KIRREL3: variants seen among roughly 807,000 people sequenced by gnomAD.
KIRREL3 encodes kin of IRRE-like protein 3.
Under a neutral mutation model 89.7 loss-of-function variants are expected in KIRREL3, and 36 were observed. That is an observed-to-expected ratio of 0.40 (90% confidence interval 0.31 to 0.53). KIRREL3 has a LOEUF of 0.53. KIRREL3 is among the 20% of genes least tolerant of loss of function. The pLI, the probability that KIRREL3 is intolerant of heterozygous loss-of-function variation, is 0.49. For missense variants in KIRREL3, 864 were observed against 1,056.6 expected (o/e 0.82, Z 2.53); for synonymous variants, 445 against 441.4 (o/e 1.01, Z -0.10).
chr11:126,510,347 G>T (rs372279907), intron 4 of KIRREL3, among the ~76,000 whole-genome samples: 65 of 152,254 alleles, frequency 4.3e-4, no homozygotes, highest in African/African-American at 1.5e-3. Flanking sequence ...TACTCCCAGA[G>T]ACAGGAAGCT....
intron 6 of KIRREL3, among the ~76,000 whole-genome samples, chr11:126,457,445 ATG>A (rs753856346): frequency 7.4e-5 from 11 of 149,474 alleles, no homozygotes; most frequent in African/African-American, 1.2e-4. Flanking sequence ...GTGTATGTGT[ATG>A]TGTGTGTATA....
chr11:126,542,395 C>T (rs1441911239), intron 2 of KIRREL3, among the ~76,000 whole-genome samples: 1 of 152,206 alleles, frequency 6.6e-6, no homozygotes, highest in East Asian at 1.9e-4. Flanking sequence ...TGTGTATAAT[C>T]TAGAATGATG....
intron 1 of KIRREL3, among the ~76,000 whole-genome samples, chr11:126,862,349 T>C (rs1361496205): frequency 6.6e-6 from 1 of 152,196 alleles, no homozygotes; most frequent in African/African-American, 2.4e-5. Context: ...GAAGTGAATA[T>C]CAATAAAATT....
chr11:126,451,111 G>T (rs1956102631), intron 7 of KIRREL3, among the ~76,000 whole-genome samples: 1 of 97,840 alleles, frequency 1.0e-5, no homozygotes, highest in Non-Finnish European at 2.0e-5. Flanking sequence ...GTGCATGTGT[G>T]CATGTGTGTG....
chr11:126,963,345 A>G (rs1358469434), intron 1 of KIRREL3, among the ~76,000 whole-genome samples: 2 of 151,948 alleles, frequency 1.3e-5, no homozygotes, highest in African/African-American at 2.4e-5. Flanking sequence ...AGACACACAC[A>G]CAGACACACA....
chr11:126,451,663 TGA>T (rs1470852247), intron 7 of KIRREL3, among the ~76,000 whole-genome samples: 2 of 151,782 alleles, frequency 1.3e-5, no homozygotes, highest in African/African-American at 2.4e-5. Flanking sequence ...TGTGCATGTG[TGA>T]GTGTGTGCAT....
Position 126,526,535 on chromosome 11 carries a change from C to G in KIRREL3, c.283+3G>C. On this transcript the variant is annotated splice_donor_region_variant and intron_variant, in intron 3 of 16. Transcript: ENST00000525144. This position sits in a 1 kb window ranked among gnomAD's most constrained non-coding sequence, Gnocchi z 5.7. ...CCACCCCAGGAGGTCTGGAGGTACT[C>G]ACTTGAGAGGTCCCTGCCCACACCC... 6.2e-7 allele frequency: 1 copy of G among 1,611,562 alleles called. No homozygotes were observed. The highest frequency in any genetic ancestry group is 1.1e-5 in the South Asian group (1 of 90,604).
chr11:126,766,342 A>G lies in KIRREL3; in HGVS notation c.56-203430T>C, dbSNP rs191779045. On this transcript the variant is annotated intron_variant, in intron 1 of 16. Transcript: ENST00000525144. This position sits in a 1 kb window ranked among gnomAD's most constrained non-coding sequence, Gnocchi z 4.2. ...ATTACAGTAATGACAGTGTTGCAGAATTAGAACACTCACTCCTACGCGGAG... is the reference window on the plus strand; with the variant it reads ...ATTACAGTAATGACAGTGTTGCAGAGTTAGAACACTCACTCCTACGCGGAG... Among the ~76,000 whole-genome samples, 156 of 152,272 alleles carry G rather than the reference A, an allele frequency of 1.0e-3. No individual in the cohort carries two copies. In the Middle Eastern group the frequency reaches 0.014, roughly 13 times the overall value.
chr11:126,918,314 ATGAGAAGACTT>A lies in KIRREL3; in HGVS notation c.55+82130_55+82140del, dbSNP rs1192985531. On this transcript the variant is annotated intron_variant, in intron 1 of 16. Transcript: ENST00000525144. This position sits in a 1 kb window ranked among gnomAD's most constrained non-coding sequence, Gnocchi z 6.5. The stretch of plus-strand genomic sequence containing the variant: ...GCAAATAAACATGATTTAATAGTAG[ATGAGAAGACTT>A]TGCCACACCATGGTACCTCCCCCTG... 6.6e-6 allele frequency among the ~76,000 whole-genome samples: 1 copy of A among 152,228 alleles called. No homozygotes were observed. Among genetic ancestry groups the A allele is most frequent in the Non-Finnish European group, 1.5e-5 (1 of 68,044 alleles).
At position 126,912,422 on chromosome 11, in the gene KIRREL3, C is replaced by T. The variant is rs1946861472; in HGVS notation, c.55+88033G>A. 6.6e-6 allele frequency among the ~76,000 whole-genome samples: 1 copy of T among 152,152 alleles called. No individual in the cohort carries two copies. Reference sequence around the variant, plus strand: ...TCACTTCTCTCCACACTAATTACCCCTTTCCATCTCACATTCCTCCAGCTG... The same window carrying T: ...TCACTTCTCTCCACACTAATTACCCTTTTCCATCTCACATTCCTCCAGCTG... On this transcript the variant is annotated intron_variant, in intron 1 of 16. Coordinates refer to ENST00000525144, the MANE Select transcript of KIRREL3 (RefSeq NM_032531.4). This position sits in a 1 kb window ranked among gnomAD's most constrained non-coding sequence, Gnocchi z 4.7.
rs1202335050 is a variant in KIRREL3, at chr11:126,682,207, C to T, written c.56-119295G>A. Reference sequence around the variant, plus strand: ...ATTCTGTGTACTAGGTCTGTGGGCTCTGCAAGACTCAAAATCAATTGCTGA... The same window carrying T: ...ATTCTGTGTACTAGGTCTGTGGGCTTTGCAAGACTCAAAATCAATTGCTGA... On this transcript the variant is annotated intron_variant, in intron 1 of 16. Coordinates refer to ENST00000525144, the MANE Select transcript of KIRREL3 (RefSeq NM_032531.4). This position sits in a 1 kb window ranked among gnomAD's most constrained non-coding sequence, Gnocchi z 4.8. 8.9e-6 allele frequency: 2 copies of T among 224,200 alleles called. No homozygotes were observed. Among genetic ancestry groups the T allele is most frequent in the Non-Finnish European group, 1.8e-5 (2 of 110,136 alleles). The allele number at this position is 224,200 out of a possible 1,614,324, so 13.9% of individuals were successfully genotyped here.
intron 1 of KIRREL3, among the ~76,000 whole-genome samples, chr11:126,721,944 C>T: frequency 6.6e-6 from 1 of 152,326 alleles, no homozygotes; most frequent in East Asian, 1.9e-4. Context: ...GTTCCAGAAC[C>T]ATTTGTGAGT....
rs563775127 is a variant in KIRREL3 at position 126,501,959 on chromosome 11, C to T, written c.433+19356G>A. 6.6e-6 allele frequency among the ~76,000 whole-genome samples: 1 copy of T among 152,294 alleles called. No individual in the cohort carries two copies. The highest frequency in any genetic ancestry group is 2.1e-4 in the South Asian group (1 of 4,822). On this transcript the variant is annotated intron_variant, in intron 4 of 16. Coordinates refer to ENST00000525144, the MANE Select transcript of KIRREL3 (RefSeq NM_032531.4). This position sits in a 1 kb window ranked among gnomAD's most constrained non-coding sequence, Gnocchi z 5.8. ...GCCACATCCCGCCCAAGGGAGCAGC[C>T]ATTACATAATTGTTTGCAAGCAGGC...
chr11:126,673,104 C>T (rs1296522760), intron 1 of KIRREL3, among the ~76,000 whole-genome samples: 3 of 152,144 alleles, frequency 2.0e-5, no homozygotes, highest in Non-Finnish European at 4.4e-5. Flanking sequence ...GCTAGGATAA[C>T]CAAATGAAAA....
intron 1 of KIRREL3, among the ~76,000 whole-genome samples, chr11:126,875,262 G>T (rs1945240529): frequency 6.6e-6 from 1 of 151,478 alleles, no homozygotes; most frequent in Non-Finnish European, 1.5e-5. Context: ...GGGACAAAAT[G>T]AAAAAAAACA....
chr11:126,633,139 C>T (rs941401919), intron 1 of KIRREL3, among the ~76,000 whole-genome samples: 4 of 151,974 alleles, frequency 2.6e-5, no homozygotes, highest in Non-Finnish European at 2.9e-5. Flanking sequence ...TAAGCACTGC[C>T]ATGATTTGGG....
In KIRREL3 at chr11:127,000,502, G is replaced by T; in HGVS notation, c.8C>A (p.Pro3His). 1 of 1,607,032 alleles carries T rather than the reference G, an allele frequency of 6.2e-7. No individual in the cohort carries two copies. Among genetic ancestry groups the T allele is most frequent in the South Asian group, 1.1e-5 (1 of 89,280 alleles). The change falls in exon 1 of 17, where the codon CCC becomes CAC. Residue 3 changes from proline (P) to histidine (H), a missense_variant. By Grantham distance (77) the Pro-to-His change is moderately conservative. Coordinates refer to ENST00000525144, the MANE Select transcript of KIRREL3 (RefSeq NM_032531.4). This position sits in a 1 kb window ranked among gnomAD's most constrained non-coding sequence, Gnocchi z 7.1. MK[P>H]FQLDLLFVCF... is the part of the protein sequence containing the mutation. Reference sequence around the variant, plus strand: ...GACGAAGAGCAGATCGAGCTGGAAGGGTTTCATTCCTTAGCGCAGCGAAGG... The same window carrying T: ...GACGAAGAGCAGATCGAGCTGGAAGTGTTTCATTCCTTAGCGCAGCGAAGG...
rs1465568118 is a variant in KIRREL3 at position 126,471,797 on chromosome 11, C to T, written c.591+1512G>A. Among the ~76,000 whole-genome samples the T allele has an allele frequency of 2.0e-5, 3 of 152,176 alleles. No individual in the cohort carries two copies. The highest frequency in any genetic ancestry group is 2.1e-4 in the South Asian group (1 of 4,820). Reference sequence around the variant, plus strand: ...CAGGAATTAGCTTACCCTGGTCCTTCCCTGGGTCTGCAAGGCCCCAGATGT... The same window carrying T: ...CAGGAATTAGCTTACCCTGGTCCTTTCCTGGGTCTGCAAGGCCCCAGATGT... On this transcript the variant is annotated intron_variant, in intron 5 of 16. Coordinates refer to ENST00000525144, the MANE Select transcript of KIRREL3 (RefSeq NM_032531.4). This position sits in a 1 kb window ranked among gnomAD's most constrained non-coding sequence, Gnocchi z 5.4.
At chr11:126,741,085 TAAC>T (rs1319555120) in intron 1 of KIRREL3, among the ~76,000 whole-genome samples, 2 of 152,184 alleles carry the variant, frequency 1.3e-5, no homozygotes, top group East Asian at 3.9e-4. Context: ...TCTCTCTTCT[TAAC>T]AACAGGAAGA....
Sources: gnomAD v4.1 joint callset for allele counts (sites outside exome capture counted in the v4.1 genomes callset) on GRCh38, gnomAD v4.1.1 for gene constraint, Gnocchi (gnomAD v3.1) non-coding constraint, MANE v1.5 for transcripts, NCBI Gene and HGNC (gene_info 2026-07-23, HGNC 2026-07-21) for gene names.